The following SLC22A23 variants were observed in gnomAD, a reference collection of about 807,000 sequenced individuals.
SLC22A23 encodes the protein solute carrier family 22 member 23.
In SLC22A23, 26 loss-of-function variants were observed where a neutral mutation model predicts 61.0. The ratio of observed to expected loss-of-function variants is 0.43; its 90% confidence interval spans 0.31 to 0.59. SLC22A23 has a LOEUF of 0.59. Ranked by LOEUF, SLC22A23 falls within the 20% of genes least tolerant of loss-of-function variation. SLC22A23 has a pLI of 0.11. For missense variants in SLC22A23, 796 were observed against 934.7 expected (o/e 0.85, Z 1.94); for synonymous variants, 430 against 413.9 (o/e 1.04, Z -0.47).
chr6:3,342,969 A>G lies in SLC22A23; in HGVS notation c.914-18967T>C, dbSNP rs1275226995. On this transcript the variant is annotated intron_variant, in intron 3 of 9. Coordinates refer to ENST00000406686, the MANE Select transcript of SLC22A23 (RefSeq NM_015482.2). This position sits in a 1 kb window ranked among gnomAD's most constrained non-coding sequence, Gnocchi z 4.0. ...CAAGAAATAGTGGGAAATGACAGAGAAATACACGGGGGAAATAATATAAGA... is the reference window on the plus strand; with the variant it reads ...CAAGAAATAGTGGGAAATGACAGAGGAATACACGGGGGAAATAATATAAGA... Among the ~76,000 whole-genome samples the G allele has an allele frequency of 6.6e-6, 1 of 152,212 alleles. No individual in the cohort carries two copies. Among genetic ancestry groups the G allele is most frequent in the Non-Finnish European group, 1.5e-5 (1 of 68,034 alleles).
Position 3,387,266 on chromosome 6 carries a change from C to A in SLC22A23, c.913+22922G>T, listed in dbSNP as rs921715701. On this transcript the variant is annotated intron_variant, in intron 3 of 9. Transcript: ENST00000406686. The surrounding 1 kb of genome is among the most constrained non-coding windows in gnomAD (Gnocchi z 5.0). The stretch of plus-strand genomic sequence containing the variant: ...GGTTAGCGTGACCAGTGACAGCTCA[C>A]GCTGACGTCAGAGCTCCTGCCTCGA... 6.6e-6 allele frequency among the ~76,000 whole-genome samples: 1 copy of A among 152,236 alleles called. No homozygotes were observed. Among genetic ancestry groups the A allele is most frequent in the Non-Finnish European group, 1.5e-5 (1 of 68,042 alleles).
At chr6:3,338,223 T>C (rs1763964589) in intron 3 of SLC22A23, among the ~76,000 whole-genome samples, 1 of 152,278 alleles carries the variant, frequency 6.6e-6, no homozygotes, top group South Asian at 2.1e-4. Context: ...CTCTTAGGCT[T>C]AACCATTTCC....
chr6:3,282,917 C>T (rs951257912), intron 9 of SLC22A23, among the ~76,000 whole-genome samples: 37 of 152,128 alleles, frequency 2.4e-4, no homozygotes, highest in African/African-American at 8.0e-4. Flanking sequence ...CCTCACTTTC[C>T]GAACTAAAGC....
Position 3,272,809 on chromosome 6 carries a change from T to C in SLC22A23, c.*246A>G. 2.4e-6 allele frequency: 1 copy of C among 421,358 alleles called. No homozygotes were observed. Among genetic ancestry groups the C allele is most frequent in the Non-Finnish European group, 4.2e-6 (1 of 236,792 alleles). 26.1% of individuals were successfully genotyped at this position (421,358 alleles called of 1,614,324 possible). The stretch of plus-strand genomic sequence containing the variant: ...GGGAATAAAGTGCTTCTCGTAAAAA[T>C]GACCAAAATAAATACACACATTTAA... On this transcript the variant is annotated 3_prime_UTR_variant, in exon 10 of 10. Coordinates refer to ENST00000406686, the MANE Select transcript of SLC22A23 (RefSeq NM_015482.2).
intron 3 of SLC22A23, among the ~76,000 whole-genome samples, chr6:3,402,819 C>A (rs558607763): frequency 6.6e-6 from 1 of 152,310 alleles, no homozygotes; most frequent in African/African-American, 2.4e-5. Context: ...CCTCAACACT[C>A]AACAATGGCA....
At chr6:3,455,864 G>A (rs1274468493) in intron 1 of SLC22A23, 42 bp downstream of exon 1, 1 of 1,461,402 alleles carries the variant, frequency 6.8e-7, no homozygotes, top group Non-Finnish European at 9.1e-7. Context: ...ACCTCGGTCT[G>A]CAGGGAGAGG....
At chr6:3,290,459 A>G (rs568414796) in intron 5 of SLC22A23, 1 of 165,604 alleles carries the variant, frequency 6.0e-6, no homozygotes, top group African/African-American at 2.4e-5. Flanking sequence ...GTGTATGTGT[A>G]TACACCATAC....
intron 4 of SLC22A23, among the ~76,000 whole-genome samples, chr6:3,300,848 C>T (rs1462202005): frequency 6.6e-6 from 1 of 152,214 alleles, no homozygotes; most frequent in Admixed American, 6.5e-5. Context: ...TGATAACTCA[C>T]TCTGGAAGAC....
chr6:3,383,222 C>T (rs745437391), intron 3 of SLC22A23, among the ~76,000 whole-genome samples: 4 of 152,170 alleles, frequency 2.6e-5, no homozygotes, highest in African/African-American at 4.8e-5. Context: ...GGAACACACA[C>T]GGTATGATTT....
chr6:3,287,049 C>T lies in SLC22A23; in HGVS notation c.1356G>A (p.Met452Ile), dbSNP rs1304076255. Reference protein sequence around the residue: ...YGIHHCFARSMMGHEVKVPLL... With the variant: ...YGIHHCFARSIMGHEVKVPLL... The stretch of plus-strand genomic sequence containing the variant: ...GCGGCACCTTCACCTCGTGGCCCAT[C>T]ATGCTCCTGGCAAAGCAGTGGTGGA... The change falls in exon 7 of 10, where the codon ATG (methionine) becomes ATA (isoleucine). Residue 452 changes from methionine (M) to isoleucine (I), a missense_variant. Met to Ile is a conservative substitution (Grantham distance 10, BLOSUM62 1). Coordinates refer to ENST00000406686, the MANE Select transcript of SLC22A23 (RefSeq NM_015482.2). The T allele has an allele frequency of 6.2e-7, 1 of 1,614,242 alleles. No homozygotes were observed. The highest frequency in any genetic ancestry group is 1.1e-5 in the South Asian group (1 of 91,086).
At chr6:3,401,160 G>A (rs914765979) in intron 3 of SLC22A23, among the ~76,000 whole-genome samples, 23 of 152,194 alleles carry the variant, frequency 1.5e-4, no homozygotes, top group Non-Finnish European at 2.9e-4. Flanking sequence ...TGGCCAACAT[G>A]GCAAAACCCC....
chr6:3,386,285 C>T lies in SLC22A23; in HGVS notation c.913+23903G>A, dbSNP rs1581794962. On this transcript the variant is annotated intron_variant, in intron 3 of 9. Transcript: ENST00000406686. This position sits in a 1 kb window ranked among gnomAD's most constrained non-coding sequence, Gnocchi z 4.4. The stretch of plus-strand genomic sequence containing the variant: ...AGGCAGGGGAGGTAGGAAGGGGAGG[C>T]AGAAAAGGCTGCTCAGGGTGGCGGT... Among the ~76,000 whole-genome samples, 1 of 152,136 alleles carries T rather than the reference C, an allele frequency of 6.6e-6. No homozygotes were observed. The highest frequency in any genetic ancestry group is 1.9e-4 in the East Asian group (1 of 5,194).
At chr6:3,275,397 T>C (rs1758799873) in intron 9 of SLC22A23, among the ~76,000 whole-genome samples, 2 of 152,162 alleles carry the variant, frequency 1.3e-5, no homozygotes, top group Non-Finnish European at 2.9e-5. Flanking sequence ...CTTTATGACG[T>C]TGGGTTAGGC....
chr6:3,284,230 C>T, intron 8 of SLC22A23: 1 of 376,162 alleles, frequency 2.7e-6, no homozygotes, highest in East Asian at 5.3e-5. Context: ...TATTGGAATT[C>T]CTCAGCCGGG....
rs56165643 is a variant in SLC22A23 at position 3,301,548 on chromosome 6, C to T, written c.1083-3330G>A. Reference sequence around the variant, plus strand: ...AAAATTTATTTATATCAAACGCTTACGGAACTCCATGGCAGGAAATGGATT... The same window carrying T: ...AAAATTTATTTATATCAAACGCTTATGGAACTCCATGGCAGGAAATGGATT... On this transcript the variant is annotated intron_variant, in intron 4 of 9. Coordinates refer to ENST00000406686, the MANE Select transcript of SLC22A23 (RefSeq NM_015482.2). Among the ~76,000 whole-genome samples the T allele has an allele frequency of 7.3e-3, 1,105 of 152,268 alleles. 16 individuals carry two copies. The highest frequency in any genetic ancestry group is 0.025 in the African/African-American group (1,027 of 41,534).
chr6:3,364,890 T>C (rs1360023), intron 3 of SLC22A23, among the ~76,000 whole-genome samples: 116,243 of 152,008 alleles, frequency 0.76, 44,853 homozygotes, highest in African/African-American at 0.85. Context: ...TCTGGCGGTG[T>C]GGTGGAGAGG....
Position 3,283,261 on chromosome 6 carries a change from G to A in SLC22A23, c.1703+591C>T, listed in dbSNP as rs148899239. Among the ~76,000 whole-genome samples, 205 of 152,192 alleles carry A rather than the reference G, an allele frequency of 1.3e-3. 1 individual carries two copies. Among genetic ancestry groups the A allele is most frequent in the African/African-American group, 4.6e-3 (189 of 41,524 alleles). On this transcript the variant is annotated intron_variant, in intron 9 of 9. Coordinates refer to ENST00000406686, the MANE Select transcript of SLC22A23 (RefSeq NM_015482.2). ...AGCCTGGCCAACCAGGTGAAACCAC[G>A]TCTCTACTAAAAATGTAAAAATTAG...
chr6:3,285,178 C>G, intron 7 of SLC22A23, 67 bp from the exon 8 acceptor site: 1 of 1,597,178 alleles, frequency 6.3e-7, no homozygotes, highest in African/African-American at 1.3e-5. Flanking sequence ...GAGAAGAGAG[C>G]ACATTAGGTG....
In SLC22A23 at chr6:3,404,178, G is replaced by A. The variant is rs551895939; in HGVS notation, c.913+6010C>T. ...AATTTTAAAATGCCCAGATATCTCC[G>A]AGTATTTGCTACTATTTTCCTCTGA... On this transcript the variant is annotated intron_variant, in intron 3 of 9. Coordinates refer to ENST00000406686, the MANE Select transcript of SLC22A23 (RefSeq NM_015482.2). Among the ~76,000 whole-genome samples the A allele has an allele frequency of 7.2e-5, 11 of 151,880 alleles. 1 individual carries two copies. The South Asian group carries it at 1.7e-3, about 23-fold the overall frequency.
Sources: allele counts gnomAD v4.1 joint callset (sites outside exome capture counted in the v4.1 genomes callset), GRCh38; gene constraint gnomAD v4.1.1; non-coding constraint Gnocchi (gnomAD v3.1); transcripts MANE v1.5; gene names NCBI Gene and HGNC (gene_info 2026-07-23, HGNC 2026-07-21).